The following RESP18 variants were observed in gnomAD, a reference collection of about 807,000 sequenced individuals.
RESP18 encodes the protein regulated endocrine-specific protein 18.
Under a neutral mutation model 30.0 loss-of-function variants are expected in RESP18, and 30 were observed. That is an observed-to-expected ratio of 1.00 (90% CI 0.75 to 1.36). RESP18 has a LOEUF of 1.36. Ranked by LOEUF, RESP18 falls within the 40% of genes most tolerant of loss-of-function variation. The pLI, the probability that RESP18 is intolerant of heterozygous loss-of-function variation, is 0.00. For synonymous variants in RESP18, 117 were observed against 111.2 expected (o/e 1.05, Z -0.33); for missense variants, 320 against 284.2 (o/e 1.13, Z -0.91).
In RESP18 at chr2:219,329,779, G is replaced by T; in HGVS notation, c.338-15C>A. ...CCAGAACAGACCTGCAGGATGAAAG[G>T]ATGGGGGGTGAGTTGACACCTGAGA... On this transcript the variant is annotated splice_polypyrimidine_tract_variant and intron_variant, in intron 3 of 6. Transcript: ENST00000333527. 4 of 1,548,576 alleles carry T rather than the reference G, an allele frequency of 2.6e-6. No homozygotes were observed. The highest frequency in any genetic ancestry group is 1.2e-5 in the South Asian group (1 of 83,894).
chr2:219,328,635 A>G (rs192087782), intron 6 of RESP18, among the ~76,000 whole-genome samples: 24 of 152,248 alleles, frequency 1.6e-4, no homozygotes, highest in African/African-American at 5.3e-4. Flanking sequence ...CTGGGCCCCA[A>G]TTTCTCATCT....
intron 2 of RESP18, among the ~76,000 whole-genome samples, chr2:219,331,596 C>T (rs962549754): frequency 6.6e-6 from 1 of 152,130 alleles, no homozygotes; most frequent in Non-Finnish European, 1.5e-5. Flanking sequence ...GAGAAAGCCT[C>T]CTTAAGGAAG....
chr2:219,329,045 G>GATACA (rs1446765217), intron 5 of RESP18, 37 bp from the exon 5 acceptor site: 1 of 1,511,802 alleles, frequency 6.6e-7, no homozygotes, highest in African/African-American at 1.4e-5. Context: ...CCTTTGATTA[G>GATACA]GAATGGAAAA....
intron 1 of RESP18, 69 bp from the exon 1 acceptor site, chr2:219,332,813 C>G: frequency 8.6e-7 from 1 of 1,167,406 alleles, no homozygotes; most frequent in East Asian, 2.6e-5. Context: ...CAGCTCCTTC[C>G]CCTACCGCCT....
intron 3 of RESP18, among the ~76,000 whole-genome samples, chr2:219,330,316 ACT>A (rs984082940): frequency 1.1e-4 from 17 of 151,394 alleles, no homozygotes; most frequent in East Asian, 7.8e-4. Context: ...CATTCATGAA[ACT>A]CTGCTGTGAG....
At chr2:219,331,365 CA>C (rs1952828613) in intron 2 of RESP18, among the ~76,000 whole-genome samples, 1 of 152,104 alleles carries the variant, frequency 6.6e-6, no homozygotes, top group Admixed American at 6.5e-5. Context: ...AGAGGAAGGA[CA>C]GGGGTTGGGG....
chr2:219,329,810 G>A (rs1324115715), intron 3 of RESP18, 46 bp from the exon 3 acceptor site: 3 of 1,186,132 alleles, frequency 2.5e-6, no homozygotes, highest in Middle Eastern at 2.8e-4. Flanking sequence ...TGAGACACTC[G>A]GATCCACTCC....
chr2:219,329,255 G>C lies in RESP18; in HGVS notation c.466-3C>G, dbSNP rs1952805352. ...CTGTTCACCTTGGCCAGGGGGCTCT[G>C]TGAGGAGGGAAACCAGGAGTCAAGG... is the stretch of plus-strand genomic sequence containing the variant. On this transcript the variant is annotated splice_polypyrimidine_tract_variant and splice_region_variant and intron_variant, in intron 4 of 6. Coordinates refer to ENST00000333527, the MANE Select transcript of RESP18 (RefSeq NM_001007089.4). The C allele has an allele frequency of 6.4e-7, 1 of 1,551,718 alleles. No homozygotes were observed. The highest frequency in any genetic ancestry group is 8.7e-7 in the Non-Finnish European group (1 of 1,146,986).
At position 219,328,037 on chromosome 2, in the gene RESP18, C is replaced by A. The variant is rs116781515; in HGVS notation, c.641-474G>T. On this transcript the variant is annotated intron_variant, in intron 6 of 6. Coordinates refer to ENST00000333527, the MANE Select transcript of RESP18 (RefSeq NM_001007089.4). ...GGTGCCCTGCTTCACTGCCACCACCCAAATTCAAGCCACCTCGGTCTCCCT... is the reference window on the plus strand; with the variant it reads ...GGTGCCCTGCTTCACTGCCACCACCAAAATTCAAGCCACCTCGGTCTCCCT... 2.7e-3 allele frequency among the ~76,000 whole-genome samples: 409 copies of A among 152,320 alleles called. 4 individuals carry two copies. The highest frequency in any genetic ancestry group is 9.4e-3 in the African/African-American group (392 of 41,566).
rs537066610 is a variant in RESP18 at position 219,329,276 on chromosome 2, CAAG to C, written c.466-27_466-25del. The C allele has an allele frequency of 1.2e-4, 179 of 1,551,532 alleles. 2 individuals are homozygous for C. The highest frequency in any genetic ancestry group is 2.4e-4 in the East Asian group (10 of 40,916). ...CTCTGTGAGGAGGGAAACCAGGAGTCAAGGAGGAGGCAGAAAAGGGTGAGAGGG... is the reference window on the plus strand; with the variant it reads ...CTCTGTGAGGAGGGAAACCAGGAGTCGAGGAGGCAGAAAAGGGTGAGAGGG... On this transcript the variant is annotated intron_variant, in intron 4 of 6. Coordinates refer to ENST00000333527, the MANE Select transcript of RESP18 (RefSeq NM_001007089.4).
chr2:219,329,480 A>G (rs1952807396), intron 4 of RESP18, 157 bp downstream of exon 3: 2 of 1,549,278 alleles, frequency 1.3e-6, no homozygotes, highest in Non-Finnish European at 8.7e-7. Context: ...GATATCACTA[A>G]TGGATCATGA....
Position 219,327,701 on chromosome 2 carries a change from A to G in RESP18, c.641-138T>C. ...CAGCATGGTGACAGCTCACCAACTG[A>G]GAGCCTGTCCCCTTGGGTCTCACAT... is the stretch of plus-strand genomic sequence containing the variant. On this transcript the variant is annotated intron_variant, in intron 6 of 6. Coordinates refer to ENST00000333527, the MANE Select transcript of RESP18 (RefSeq NM_001007089.4). 2.7e-6 allele frequency: 2 copies of G among 741,184 alleles called. 1 individual carries two copies. The highest frequency in any genetic ancestry group is 3.2e-5 in the South Asian group (2 of 62,890). The allele number at this position is 741,184 out of a possible 1,614,324, so 45.9% of individuals were successfully genotyped here.
Position 219,329,693 on chromosome 2 carries a change from G to A in RESP18, c.409C>T (p.Pro137Ser), listed in dbSNP as rs369252614. The change falls in exon 4 of 7, where the codon CCC (proline) becomes TCC (serine). Residue 137 changes from proline (P) to serine (S), a missense_variant. Transcript: ENST00000333527. ...CCATCCTTCAGGCATGGTTCTTGGG[G>A]ATGCAGTCTGCTGGCATGCTCCATC... is the stretch of plus-strand genomic sequence containing the variant. The A allele has an allele frequency of 1.1e-5, 17 of 1,551,562 alleles. No homozygotes were observed. The African/African-American group carries it at 2.1e-4, about 19-fold the overall frequency.
At chr2:219,327,599 A>T in intron 6 of RESP18, 36 bp from the exon 6 acceptor site, 1 of 1,535,432 alleles carries the variant, frequency 6.5e-7, no homozygotes, top group Non-Finnish European at 8.8e-7. Context: ...TAGAGTCAGG[A>T]TGTGAGACAG....
rs1373458480 is a variant in RESP18 at position 219,330,673 on chromosome 2, T to C, written c.337+98A>G. 7 of 734,950 alleles carry C rather than the reference T, an allele frequency of 9.5e-6. 1 individual carries two copies. The Middle Eastern group carries it at 1.9e-3, about 204-fold the overall frequency. The allele number at this position is 734,950 out of a possible 1,614,324, so 45.5% of individuals were successfully genotyped here. On this transcript the variant is annotated intron_variant, in intron 3 of 6. Transcript: ENST00000333527. ...GTGACAAAGTTTTAAGTAGAGACAT[T>C]TGGGGAACAGAAAGCCTACCCTCAG...
intron 4 of RESP18, 41 bp downstream of exon 3, chr2:219,329,596 G>T: frequency 6.5e-7 from 1 of 1,548,940 alleles, no homozygotes; most frequent in Non-Finnish European, 8.7e-7. Flanking sequence ...CCGTCTGTCT[G>T]CCAGAATGCT....
At chr2:219,331,437 G>A (rs1031532306) in intron 2 of RESP18, among the ~76,000 whole-genome samples, 1 of 152,150 alleles carries the variant, frequency 6.6e-6, no homozygotes, top group Non-Finnish European at 1.5e-5. Flanking sequence ...TAGGGCTGGA[G>A]GACAGTCTGT....
rs1160946381 is a variant in RESP18 at position 219,333,110 on chromosome 2, T to C, written c.17+51A>G. 3.2e-6 allele frequency: 4 copies of C among 1,249,744 alleles called. No individual in the cohort carries two copies. In the East Asian group the frequency reaches 1.2e-4, roughly 36 times the overall value. The allele number at this position is 1,249,744 out of a possible 1,614,324, so 77.4% of individuals were successfully genotyped here. ...ATAGGTTCGATCTGCTATATATATATATATAATATTATATATTATATATTA... is the reference window on the plus strand; with the variant it reads ...ATAGGTTCGATCTGCTATATATATACATATAATATTATATATTATATATTA... On this transcript the variant is annotated intron_variant, in intron 1 of 6. Transcript: ENST00000333527.
At chr2:219,333,104 T>C in intron 1 of RESP18, 2 of 1,245,890 alleles carry the variant, frequency 1.6e-6, no homozygotes, top group Non-Finnish European at 2.1e-6. Flanking sequence ...ATCTGCTATA[T>C]ATATATATAT....
Sources: allele counts gnomAD v4.1 joint callset (sites outside exome capture counted in the v4.1 genomes callset), GRCh38; gene constraint gnomAD v4.1.1; transcripts MANE v1.5; gene names NCBI Gene and HGNC (gene_info 2026-07-23, HGNC 2026-07-21).